The following COL18A1 variants were observed in gnomAD, a reference collection of about 807,000 sequenced individuals.
COL18A1 encodes collagen alpha-1(XVIII) chain.
Under a neutral mutation model 168.0 loss-of-function variants are expected in COL18A1, and 133 were observed. The observed-to-expected ratio is 0.79, with a 90% CI of 0.69 to 0.91. The LOEUF is 0.91. Ranked by LOEUF, COL18A1 falls within the 40% of genes least tolerant of loss-of-function variation. The probability of loss-of-function intolerance (pLI) is 0.00; values close to 1 mark genes in which losing one functional copy is unlikely to be tolerated. For missense variants in COL18A1, 2,126 were observed against 1,925.4 expected (o/e 1.10, Z -1.95); for synonymous variants, 949 against 809.0 (o/e 1.17, Z -2.94).
chr21:45,417,928 A>G (rs576310263), intron 2 of COL18A1, among the ~76,000 whole-genome samples: 2 of 152,260 alleles, frequency 1.3e-5, no homozygotes, highest in East Asian at 1.9e-4. Context: ...AGCTGGCAGC[A>G]CTCTGTGTCT....
intron 29 of COL18A1, 27 bp downstream of exon 29, chr21:45,495,459 G>A (rs1602555224): frequency 1.3e-6 from 2 of 1,580,500 alleles, no homozygotes; most frequent in Non-Finnish European, 1.7e-6. Context: ...GGGCGGACTG[G>A]GTGGCTGGGA....
At position 45,505,929 on chromosome 21, in the gene COL18A1, T is replaced by C; in HGVS notation, c.3179T>C (p.Leu1060Pro). ...WLIFVAEQEE[L>P]YVRVQNGFRK... is the part of the protein sequence containing the mutation. Reference sequence around the variant, plus strand: ...ATCTTCGTGGCCGAGCAGGAGGAGCTCTACGTCCGCGTGCAGAACGGGTTC... The same window carrying C: ...ATCTTCGTGGCCGAGCAGGAGGAGCCCTACGTCCGCGTGCAGAACGGGTTC... Residue 1060 changes from leucine (L) to proline (P), a missense_variant, in exon 37 of 42, where the codon CTC becomes CCC. By Grantham distance (98) the Leu-to-Pro change is moderately conservative. Transcript: ENST00000651438. 6.2e-7 allele frequency: 1 copy of C among 1,613,164 alleles called. No homozygotes were observed. The highest frequency in any genetic ancestry group is 8.5e-7 in the Non-Finnish European group (1 of 1,179,960).
At chr21:45,504,337 C>A in intron 33 of COL18A1, 79 bp from the exon 34 acceptor site, 1 of 1,469,844 alleles carries the variant, frequency 6.8e-7, no homozygotes, top group Admixed American at 1.9e-5. Flanking sequence ...ACTGCCCAGC[C>A]CTGGCTCGGG....
chr21:45,445,526 C>T (rs932708061), intron 2 of COL18A1, among the ~76,000 whole-genome samples: 4 of 152,194 alleles, frequency 2.6e-5, no homozygotes, highest in South Asian at 4.1e-4. Flanking sequence ...TTTGAGCAGC[C>T]GCCAGCCTGC....
At chr21:45,488,392 A>G in intron 17 of COL18A1, 26 bp from the exon 18 acceptor site, 1 of 1,613,636 alleles carries the variant, frequency 6.2e-7, no homozygotes, top group Non-Finnish European at 8.5e-7. Context: ...AGCTGCACTA[A>G]CACTGTGTCT....
At chr21:45,472,016 C>G (rs2145902631) in intron 3 of COL18A1, among the ~76,000 whole-genome samples, 1 of 152,280 alleles carries the variant, frequency 6.6e-6, no homozygotes, top group East Asian at 1.9e-4. Flanking sequence ...CACCCTGTAG[C>G]CCCGTGCAGG....
At chr21:45,508,937 G>C (rs1196851900) in intron 38 of COL18A1, among the ~76,000 whole-genome samples, 1 of 152,148 alleles carries the variant, frequency 6.6e-6, no homozygotes, top group African/African-American at 2.4e-5. Context: ...TCCGGACTGG[G>C]GTGCAGGCCT....
intron 37 of COL18A1, 77 bp downstream of exon 37, chr21:45,506,043 G>A: frequency 6.2e-7 from 1 of 1,606,780 alleles, no homozygotes; most frequent in Non-Finnish European, 8.5e-7. Context: ...AAGGCGAGAG[G>A]CTCAGGCCCC....
rs375548890 is a variant in COL18A1, at chr21:45,505,199, C to T, written c.2934C>T (p.Ile978=). 5.2e-5 allele frequency: 83 copies of T among 1,603,978 alleles called. No homozygotes were observed. The African/African-American group carries it at 5.2e-4, about 10-fold the overall frequency. ...GPPGPQGPPG[I]GYEGRQGPPG... Reference sequence around the variant, plus strand: ...CTGGACCTCAGGGACCCCCCGGCATCGGCTACGAGGGGCGCCAGGGCCCTC... The same window carrying T: ...CTGGACCTCAGGGACCCCCCGGCATTGGCTACGAGGGGCGCCAGGGCCCTC... Residue 978 remains isoleucine, a synonymous_variant, in exon 35 of 42, where the codon ATC becomes ATT. Coordinates refer to ENST00000651438, the MANE Select transcript of COL18A1 (RefSeq NM_001379500.1).
intron 2 of COL18A1, among the ~76,000 whole-genome samples, chr21:45,426,160 A>C (rs1439173860): frequency 6.6e-6 from 1 of 152,066 alleles, no homozygotes; most frequent in Non-Finnish European, 1.5e-5. Context: ...GGTGGACTGC[A>C]GTGGTGTAAT....
At chr21:45,493,054 T>A in intron 24 of COL18A1, 109 bp from the exon 25 acceptor site, 1 of 1,160,728 alleles carries the variant, frequency 8.6e-7, no homozygotes, top group Non-Finnish European at 1.3e-6. Flanking sequence ...CTGGTCGGGC[T>A]GTCGAGGCAG....
At chr21:45,497,148 C>T in intron 31 of COL18A1, 56 bp downstream of exon 31, 1 of 1,109,006 alleles carries the variant, frequency 9.0e-7, no homozygotes, top group South Asian at 1.2e-5. Flanking sequence ...TGCTCCAGAG[C>T]CCCACCTTCC....
At chr21:45,510,494 C>A (rs1276996464) in intron 40 of COL18A1, among the ~76,000 whole-genome samples, 1 of 152,266 alleles carries the variant, frequency 6.6e-6, no homozygotes, top group South Asian at 2.1e-4. Context: ...CCCATGAGGC[C>A]CCCCCGTGGC....
chr21:45,453,227 T>C (rs956560654), intron 2 of COL18A1, among the ~76,000 whole-genome samples: 10 of 152,208 alleles, frequency 6.6e-5, no homozygotes, highest in Non-Finnish European at 1.3e-4. Flanking sequence ...TATGTACATG[T>C]GTGTGCTTGT....
chr21:45,431,208 G>A (rs1354398734), intron 2 of COL18A1, among the ~76,000 whole-genome samples: 3 of 152,192 alleles, frequency 2.0e-5, no homozygotes, highest in Non-Finnish European at 2.9e-5. Context: ...CGGACAGACA[G>A]GGTGTCCCAC....
intron 6 of COL18A1, 138 bp downstream of exon 6, chr21:45,476,618 T>C (rs1813226670): frequency 4.5e-6 from 5 of 1,102,366 alleles, no homozygotes; most frequent in African/African-American, 3.1e-5. Context: ...GTGTGTGTGA[T>C]ATGGCACGTG....
chr21:45,496,285 G>A, intron 29 of COL18A1: 1 of 711,322 alleles, frequency 1.4e-6, no homozygotes, highest in East Asian at 2.7e-5. Context: ...AGGGACGTCT[G>A]TGCACGACTC....
intron 2 of COL18A1, among the ~76,000 whole-genome samples, chr21:45,412,290 G>A (rs1034636232): frequency 1.3e-5 from 2 of 148,862 alleles, no homozygotes; most frequent in Non-Finnish European, 3.0e-5. Context: ...AGGCTGGAGT[G>A]CAGTGGCGTG....
Position 45,512,741 on chromosome 21 carries a change from G to A in COL18A1, c.*343G>A, listed in dbSNP as rs544226767. On this transcript the variant is annotated 3_prime_UTR_variant, in exon 42 of 42. Coordinates refer to ENST00000651438, the MANE Select transcript of COL18A1 (RefSeq NM_001379500.1). ...CCAGGATTTCCTGCTTTGGGAAGCC[G>A]TGCTCGCCCCAGCAGGTGCTGACTT... The A allele has an allele frequency of 2.3e-4, 89 of 389,422 alleles. No individual in the cohort carries two copies. Among genetic ancestry groups the A allele is most frequent in the African/African-American group, 1.6e-3 (79 of 48,610 alleles). The allele number at this position is 389,422 out of a possible 1,614,324, so 24.1% of individuals were successfully genotyped here.
Sources: allele counts gnomAD v4.1 joint callset (sites outside exome capture counted in the v4.1 genomes callset), GRCh38; gene constraint gnomAD v4.1.1; transcripts MANE v1.5; gene names NCBI Gene and HGNC (gene_info 2026-07-23, HGNC 2026-07-21).